ITGB1: variants seen among roughly 807,000 people sequenced by gnomAD.
ITGB1 encodes integrin beta-1.
In ITGB1, 24 loss-of-function variants were observed where a neutral mutation model predicts 86.5. That is an observed-to-expected ratio of 0.28 (90% CI 0.20 to 0.39). The LOEUF is 0.39. Ranked by LOEUF, ITGB1 falls within the 10% of genes least tolerant of loss-of-function variation. The pLI, the probability that ITGB1 is intolerant of heterozygous loss-of-function variation, is 1.00. For synonymous variants in ITGB1, 323 were observed against 316.8 expected, an observed-to-expected ratio of 1.02 and a Z score of -0.21; for missense variants, 556 against 946.9, an observed-to-expected ratio of 0.59 and a Z score of 5.42.
chr10:32,935,704 A>C, intron 1 of ITGB1, 146 bp from the exon 2 acceptor site: 1 of 600,296 alleles, frequency 1.7e-6, no homozygotes, highest in South Asian at 2.2e-5. Flanking sequence ...CTCTCCACAG[A>C]CCCTCGCCCA....
intron 1 of ITGB1, chr10:32,944,694 AAGC>A: frequency 1.5e-6 from 1 of 671,362 alleles, no homozygotes. Context: ...GCCCTAGACT[AAGC>A]TTCTTAGACA....
At chr10:32,920,109 A>C in intron 10 of ITGB1, 25 bp from the exon 11 acceptor site, 1 of 1,589,294 alleles carries the variant, frequency 6.3e-7, no homozygotes. Flanking sequence ...AAAGATTAAC[A>C]ACCAACTAAA....
intron 7 of ITGB1, 70 bp from the exon 8 acceptor site, chr10:32,922,805 G>A (rs945499115): frequency 6.0e-6 from 5 of 826,486 alleles, no homozygotes; most frequent in Non-Finnish European, 9.5e-6. Context: ...TTTCAATCTA[G>A]TTATACATGC....
At position 32,929,945 on chromosome 10, in the gene ITGB1, C is replaced by T; in HGVS notation, c.253G>A (p.Gly85Ser). The T allele has an allele frequency of 6.5e-7, 1 of 1,529,450 alleles. No individual in the cohort carries two copies. Among genetic ancestry groups the T allele is most frequent in the Non-Finnish European group, 9.1e-7 (1 of 1,102,606 alleles). The allele number at this position is 1,529,450 out of a possible 1,614,324, so 94.7% of individuals were successfully genotyped here. Reference protein sequence around the residue: ...CPPDDIENPRGSKDIKKNKNV... With the variant: ...CPPDDIENPRSSKDIKKNKNV... ...TTATTTTTCTTTATATCTTTGGAGC[C>T]TCTGGGATTTTCTATGTCATCTGGA... Residue 85 changes from glycine (G) to serine (S), a missense_variant, in exon 4 of 16, where the codon GGC becomes AGC. Physicochemically the swap from Gly to Ser is moderately conservative, Grantham distance 56. Transcript: ENST00000302278.
intron 11 of ITGB1, among the ~76,000 whole-genome samples, chr10:32,916,138 C>A (rs777869301): frequency 1.6e-4 from 25 of 152,172 alleles, no homozygotes; most frequent in Non-Finnish European, 3.4e-4. Context: ...TCTCAATAAA[C>A]TAGGTATTGA....
At chr10:32,923,142 A>C (rs985130729) in intron 7 of ITGB1, among the ~76,000 whole-genome samples, 1 of 152,248 alleles carries the variant, frequency 6.6e-6, no homozygotes, top group African/African-American at 2.4e-5. Context: ...ACTTAAGAAA[A>C]AGACCAAGAT....
Position 32,919,913 on chromosome 10 carries a change from T to G in ITGB1, c.1441A>C (p.Asn481His). Residue 481 changes from asparagine (N) to histidine (H), a missense_variant, in exon 11 of 16, where the codon AAT (asparagine) becomes CAT (histidine). By Grantham distance (68) the Asn-to-His change is moderately conservative. This residue lies in a region of ITGB1 where 330 missense variants were observed against 531.5 expected (regional missense o/e 0.62). Coordinates refer to ENST00000302278, the MANE Select transcript of ITGB1 (RefSeq NM_002211.4). ...CACGCGCCACACTCAAATGTCCCAT[T>G]TCCTTCATGACACTTGGGACTTTCA... ...IPESPKCHEG[N>H]GTFECGACRC... The G allele has an allele frequency of 6.2e-7, 1 of 1,614,124 alleles. No homozygotes were observed. The highest frequency in any genetic ancestry group is 8.5e-7 in the Non-Finnish European group (1 of 1,179,988).
intron 1 of ITGB1, among the ~76,000 whole-genome samples, chr10:32,946,290 T>C (rs533715046): frequency 6.6e-6 from 1 of 152,220 alleles, no homozygotes; most frequent in African/African-American, 2.4e-5. Context: ...TTGGCATAAA[T>C]AGCAATCAAT....
intron 3 of ITGB1, among the ~76,000 whole-genome samples, chr10:32,930,555 G>A (rs1204630425): frequency 1.3e-5 from 2 of 152,060 alleles, no homozygotes; most frequent in Admixed American, 6.6e-5. Context: ...AGGACAACAC[G>A]AAATTTAGCA....
At chr10:32,948,110 TAACAC>T (rs933343895) in intron 1 of ITGB1, among the ~76,000 whole-genome samples, 1 of 152,094 alleles carries the variant, frequency 6.6e-6, no homozygotes, top group Non-Finnish European at 1.5e-5. Context: ...AAGTTAGAAG[TAACAC>T]AACTACAGAA....
chr10:32,951,779 G>A (rs1405043987), intron 1 of ITGB1: 2 of 152,192 alleles, frequency 1.3e-5, no homozygotes, highest in African/African-American at 4.8e-5. Flanking sequence ...GAAAGAAGTT[G>A]GGAACGGTTT....
intron 3 of ITGB1, among the ~76,000 whole-genome samples, chr10:32,930,798 G>A (rs535456583): frequency 6.6e-6 from 1 of 152,056 alleles, no homozygotes; most frequent in African/African-American, 2.4e-5. Flanking sequence ...TTCTAGTAAT[G>A]ACAGAGATTT....
chr10:32,904,326 G>C (rs1046638526), intron 15 of ITGB1, among the ~76,000 whole-genome samples: 3 of 152,128 alleles, frequency 2.0e-5, no homozygotes, highest in African/African-American at 7.2e-5. Flanking sequence ...TATTATGAAA[G>C]GAAGCCCTCA....
intron 11 of ITGB1, among the ~76,000 whole-genome samples, chr10:32,914,490 A>G (rs1045891774): frequency 6.6e-6 from 1 of 152,200 alleles, no homozygotes; most frequent in Non-Finnish European, 1.5e-5. Context: ...CAAATGGAAA[A>G]CAAAAAAAGG....
chr10:32,912,840 T>A (rs925430120), intron 11 of ITGB1, among the ~76,000 whole-genome samples: 3 of 152,128 alleles, frequency 2.0e-5, no homozygotes, highest in African/African-American at 4.8e-5. Flanking sequence ...GAGTCTGACA[T>A]CTGAGAATGG....
intron 11 of ITGB1, among the ~76,000 whole-genome samples, chr10:32,915,035 G>A (rs2094927237): frequency 6.6e-6 from 1 of 152,160 alleles, no homozygotes; most frequent in African/African-American, 2.4e-5. Flanking sequence ...TCAACTGCAT[G>A]GAAACTAAAT....
intron 1 of ITGB1, among the ~76,000 whole-genome samples, chr10:32,943,397 G>C (rs946732524): frequency 6.8e-6 from 1 of 147,968 alleles, no homozygotes; most frequent in Non-Finnish European, 1.5e-5. Flanking sequence ...CCAAATCTCT[G>C]AGAATACCTC....
At chr10:32,921,403 C>G (rs999138564) in intron 9 of ITGB1, among the ~76,000 whole-genome samples, 1 of 152,116 alleles carries the variant, frequency 6.6e-6, no homozygotes, top group African/African-American at 2.4e-5. Context: ...CCTTTCCAAA[C>G]CATTATGGTA....
intron 3 of ITGB1, 140 bp from the exon 4 acceptor site, chr10:32,930,184 G>A: frequency 1.6e-6 from 1 of 609,856 alleles, no homozygotes; most frequent in Non-Finnish European, 2.9e-6. Context: ...TAAACAAAAT[G>A]CTCCCTTCAT....
Sources: gnomAD v4.1 joint callset for allele counts (sites outside exome capture counted in the v4.1 genomes callset) on GRCh38, gnomAD v4.1.1 for gene constraint, gnomAD v4.1.1 regional missense constraint, MANE v1.5 for transcripts, NCBI Gene and HGNC (gene_info 2026-07-23, HGNC 2026-07-21) for gene names.